ADCY3: variants seen among roughly 807,000 people sequenced by gnomAD.
ADCY3 encodes the protein adenylate cyclase 3.
A neutral mutation model predicts 119.4 loss-of-function variants in ADCY3; 70 were observed. The observed-to-expected ratio is 0.59, with a 90% CI of 0.48 to 0.72. The LOEUF is 0.72. ADCY3 is among the 30% of genes least tolerant of loss of function. The pLI is 0.00. For missense variants in ADCY3, 1,238 were observed against 1,541.6 expected (o/e 0.80, Z 3.30); for synonymous variants, 672 against 621.4 (o/e 1.08, Z -1.21).
chr2:24,831,121 G>A (rs1669435679), intron 12 of ADCY3, among the ~76,000 whole-genome samples: 1 of 152,042 alleles, frequency 6.6e-6, no homozygotes, highest in Admixed American at 6.5e-5. Flanking sequence ...AGTTTTCAGG[G>A]CTGCTCGTCT....
At chr2:24,859,787 G>C (rs1206752799) in intron 3 of ADCY3, among the ~76,000 whole-genome samples, 1 of 152,140 alleles carries the variant, frequency 6.6e-6, no homozygotes, top group African/African-American at 2.4e-5. Context: ...GGAGAGGTGG[G>C]GAGAGGCAGC....
intron 3 of ADCY3, among the ~76,000 whole-genome samples, chr2:24,866,564 CAA>C (rs71397449): frequency 6.4e-5 from 3 of 46,548 alleles, no homozygotes; most frequent in African/African-American, 1.9e-4. Context: ...GACCCTGTCT[CAA>C]AAAAAAAAAA....
chr2:24,826,102 G>A lies in ADCY3; in HGVS notation c.2520C>T (p.Tyr840=). ...TDRLPLVPSK[Y]SMTVMVFLMM... is the part of the protein sequence containing the mutation. ...TGAGGAACACCATCACCGTCATAGA[G>A]TACTTGGAAGGCACCAGGGGCAGCC... is the stretch of plus-strand genomic sequence containing the variant. The change falls in exon 16 of 22, where the codon TAC becomes TAT. Residue 840 remains tyrosine (Y), a synonymous_variant. Transcript: ENST00000679454. 1.9e-6 allele frequency: 3 copies of A among 1,614,054 alleles called. No individual in the cohort carries two copies. The highest frequency in any genetic ancestry group is 1.3e-5 in the African/African-American group (1 of 74,994).
chr2:24,883,045 G>C (rs1270352887), intron 2 of ADCY3, among the ~76,000 whole-genome samples: 2 of 151,638 alleles, frequency 1.3e-5, no homozygotes, highest in Non-Finnish European at 2.9e-5. Context: ...GGATGATGGA[G>C]TGAGACCCTG....
At chr2:24,820,377 C>G (rs907165265) in intron 21 of ADCY3, 237 of 1,319,828 alleles carry the variant, frequency 1.8e-4, no homozygotes, top group Non-Finnish European at 4.9e-5. Context: ...GGTGGCAGCA[C>G]TGTTACCTGG....
intron 2 of ADCY3, among the ~76,000 whole-genome samples, chr2:24,917,692 C>T (rs1242101057): frequency 6.6e-6 from 1 of 152,164 alleles, no homozygotes; most frequent in Non-Finnish European, 1.5e-5. Context: ...TGCATCCCCA[C>T]ACCACACCTT....
At position 24,823,468 on chromosome 2, in the gene ADCY3, A is replaced by T; in HGVS notation, c.2737-113T>A. 3.4e-6 allele frequency: 4 copies of T among 1,180,908 alleles called. No individual in the cohort carries two copies. The East Asian group carries it at 1.1e-4, about 32-fold the overall frequency. 73.2% of individuals were successfully genotyped at this position (1,180,908 alleles called of 1,614,324 possible). ...CATGTGCACTCAGCTTTTTGGACTC[A>T]CACATCAGTCAGATTATTCCAGCAT... On this transcript the variant is annotated intron_variant, in intron 17 of 21. Coordinates refer to ENST00000679454, the MANE Select transcript of ADCY3 (RefSeq NM_004036.5).
intron 8 of ADCY3, 57 bp from the exon 9 acceptor site, chr2:24,837,102 A>G (rs931761233): frequency 2.5e-6 from 4 of 1,580,704 alleles, no homozygotes; most frequent in Non-Finnish European, 2.6e-6. Context: ...TGGCGTGGAC[A>G]GGTCTGGAAG....
chr2:24,829,635 G>A (rs1418853657), intron 13 of ADCY3, among the ~76,000 whole-genome samples: 4 of 151,088 alleles, frequency 2.6e-5, no homozygotes, highest in East Asian at 2.0e-4. Flanking sequence ...TGTTAGCCAG[G>A]ATGATTTCGA....
intron 3 of ADCY3, among the ~76,000 whole-genome samples, chr2:24,871,413 G>A (rs919925533): frequency 6.6e-6 from 1 of 152,214 alleles, no homozygotes; most frequent in Non-Finnish European, 1.5e-5. Context: ...CTCCTATGGG[G>A]GCCTTCTGTA....
chr2:24,836,035 C>A (rs1472077906), intron 9 of ADCY3, among the ~76,000 whole-genome samples: 2 of 152,120 alleles, frequency 1.3e-5, no homozygotes, highest in African/African-American at 2.4e-5. Context: ...ACATCTTCCC[C>A]TTCTGTAAAA....
chr2:24,916,026 A>G (rs562679974), intron 2 of ADCY3, among the ~76,000 whole-genome samples: 3 of 152,280 alleles, frequency 2.0e-5, no homozygotes, highest in African/African-American at 4.8e-5. Context: ...CAGGCTCCCA[A>G]TCGGACCTTG....
At chr2:24,854,163 G>A (rs892024984) in intron 3 of ADCY3, among the ~76,000 whole-genome samples, 2 of 152,214 alleles carry the variant, frequency 1.3e-5, no homozygotes, top group African/African-American at 2.4e-5. Flanking sequence ...CAGAGAACCG[G>A]ACTGTGGAAA....
chr2:24,880,788 G>T (rs1558493379), intron 2 of ADCY3, among the ~76,000 whole-genome samples: 1 of 152,134 alleles, frequency 6.6e-6, no homozygotes, highest in South Asian at 2.1e-4. Context: ...GGCCAAGGCG[G>T]GTGGATCACC....
intron 2 of ADCY3, among the ~76,000 whole-genome samples, chr2:24,907,382 T>C (rs760020695): frequency 3.3e-5 from 5 of 151,994 alleles, no homozygotes; most frequent in Non-Finnish European, 7.4e-5. Flanking sequence ...GTCGCTTATG[T>C]TGGGGTTTTG....
chr2:24,831,270 C>T (rs1188324095), intron 12 of ADCY3, among the ~76,000 whole-genome samples: 1 of 151,796 alleles, frequency 6.6e-6, no homozygotes, highest in Non-Finnish European at 1.5e-5. Flanking sequence ...CAGTGCCTTA[C>T]AGGAGAAAGT....
At chr2:24,859,224 C>T (rs997114117) in intron 3 of ADCY3, among the ~76,000 whole-genome samples, 2 of 152,196 alleles carry the variant, frequency 1.3e-5, no homozygotes, top group Admixed American at 1.3e-4. Context: ...TGGATTTGAC[C>T]CATTACATTA....
rs538663616 is a variant in ADCY3 at position 24,898,334 on chromosome 2, C to T, written c.675+19979G>A. On this transcript the variant is annotated intron_variant, in intron 2 of 21. Transcript: ENST00000679454. This position sits in a 1 kb window ranked among gnomAD's most constrained non-coding sequence, Gnocchi z 4.3. ...CACCGTGGGGTGAGCCCCACCCTCG[C>T]ACCGAGAAGAAAGGAAGGGAGTGGA... Among the ~76,000 whole-genome samples the T allele has an allele frequency of 1.3e-5, 2 of 152,072 alleles. No individual in the cohort carries two copies. The highest frequency in any genetic ancestry group is 3.9e-4 in the East Asian group (2 of 5,178).
rs199700797 is a variant in ADCY3 at position 24,872,714 on chromosome 2, C to T, written c.681G>A (p.Leu227=). The T allele has an allele frequency of 6.2e-7, 1 of 1,613,774 alleles. No individual in the cohort carries two copies. The highest frequency in any genetic ancestry group is 1.7e-5 in the Admixed American group (1 of 59,980). The change falls in exon 3 of 22, where the codon CTG becomes CTA. Residue 227 remains leucine (L), a synonymous_variant. Coordinates refer to ENST00000679454, the MANE Select transcript of ADCY3 (RefSeq NM_004036.5). This position sits in a 1 kb window ranked among gnomAD's most constrained non-coding sequence, Gnocchi z 4.4. Reference sequence around the variant, plus strand: ...CGCACAGGTAGAGGAAGACGTTGGCCAGGATCTGCACCCCAAGGAAGAAGA... The same window carrying T: ...CGCACAGGTAGAGGAAGACGTTGGCTAGGATCTGCACCCCAAGGAAGAAGA... ...LKGMQLLREI[L]ANVFLYLCAI...
Sources: gnomAD v4.1 joint callset for allele counts (sites outside exome capture counted in the v4.1 genomes callset) on GRCh38, gnomAD v4.1.1 for gene constraint, Gnocchi (gnomAD v3.1) non-coding constraint, MANE v1.5 for transcripts, NCBI Gene and HGNC (gene_info 2026-07-23, HGNC 2026-07-21) for gene names.